ZNF385B: variants seen among roughly 807,000 people sequenced by gnomAD.
ZNF385B encodes zinc finger protein 385B.
A neutral mutation model predicts 39.2 loss-of-function variants in ZNF385B; 23 were observed. The ratio of observed to expected loss-of-function variants is 0.59; its 90% CI spans 0.42 to 0.83. The LOEUF is 0.83. Among genes scored for constraint, ZNF385B ranks in the 40% least tolerant of loss-of-function variants. The probability of loss-of-function intolerance (pLI) is 0.00; values close to 1 mark genes in which losing one functional copy is unlikely to be tolerated. For missense variants in ZNF385B, 552 were observed against 598.9 expected (o/e 0.92, Z 0.82); for synonymous variants, 205 against 222.6 (o/e 0.92, Z 0.70).
At chr2:179,621,762 C>A (rs1690237382) in intron 3 of ZNF385B, among the ~76,000 whole-genome samples, 2 of 152,154 alleles carry the variant, frequency 1.3e-5, no homozygotes, top group African/African-American at 4.8e-5. Flanking sequence ...CAGTGAATCA[C>A]CTCCGTGTCA....
chr2:179,450,268 C>A (rs1227119159), intron 6 of ZNF385B, among the ~76,000 whole-genome samples: 38 of 150,414 alleles, frequency 2.5e-4, no homozygotes, highest in East Asian at 7.8e-4. Context: ...TAATTAAACT[C>A]AAGAGCTTCT....
Position 179,446,750 on chromosome 2 carries a change from C to G in ZNF385B, c.736G>C (p.Ala246Pro). 1.2e-6 allele frequency: 2 copies of G among 1,612,192 alleles called. No individual in the cohort carries two copies. The highest frequency in any genetic ancestry group is 1.1e-5 in the South Asian group (1 of 90,626). The change falls in exon 7 of 10, where the codon GCC becomes CCC. Residue 246 changes from alanine to proline, a missense_variant. By Grantham distance (27) the Ala-to-Pro change is conservative (BLOSUM62 -1). Coordinates refer to ENST00000410066, the MANE Select transcript of ZNF385B (RefSeq NM_152520.6). ...DKSEDKGKLK[A>P]SSSSQPSSSE... Reference sequence around the variant, plus strand: ...CTTGATGGCTGACTGGAACTGCTGGCTTTTAACTTCCCTTTATCTTCTAAG... The same window carrying G: ...CTTGATGGCTGACTGGAACTGCTGGGTTTTAACTTCCCTTTATCTTCTAAG...
chr2:179,522,009 T>G (rs1208430275), intron 4 of ZNF385B, among the ~76,000 whole-genome samples: 1 of 152,204 alleles, frequency 6.6e-6, no homozygotes, highest in East Asian at 1.9e-4. Context: ...ATTTTTATAT[T>G]TAAATGTCAT....
At chr2:179,778,757 T>C (rs575129623) in intron 1 of ZNF385B, among the ~76,000 whole-genome samples, 43 of 152,296 alleles carry the variant, frequency 2.8e-4, no homozygotes, top group Non-Finnish European at 5.9e-4. Context: ...TTTATCATTC[T>C]AGAAATTTTG....
chr2:179,596,518 G>C (rs1202842791), intron 3 of ZNF385B, among the ~76,000 whole-genome samples: 1 of 152,086 alleles, frequency 6.6e-6, no homozygotes, highest in Non-Finnish European at 1.5e-5. Flanking sequence ...AAATCTTTTT[G>C]AGACTTCCTC....
intron 3 of ZNF385B, among the ~76,000 whole-genome samples, chr2:179,560,103 TA>T (rs914650625): frequency 6.6e-6 from 1 of 152,194 alleles, no homozygotes; most frequent in Non-Finnish European, 1.5e-5. Context: ...ATCTTCTTTT[TA>T]AAATCTGAAT....
At chr2:179,659,720 T>C (rs948671072) in intron 3 of ZNF385B, among the ~76,000 whole-genome samples, 1 of 152,172 alleles carries the variant, frequency 6.6e-6, no homozygotes. Flanking sequence ...TAACAACATA[T>C]AGACGTCCAA....
chr2:179,558,769 A>C (rs2061126548), intron 3 of ZNF385B, among the ~76,000 whole-genome samples: 1 of 152,182 alleles, frequency 6.6e-6, no homozygotes, highest in Non-Finnish European at 1.5e-5. Flanking sequence ...CCATCATAGA[A>C]AAGGCCACTC....
At chr2:179,491,426 C>T (rs1208191884) in intron 5 of ZNF385B, among the ~76,000 whole-genome samples, 1 of 152,106 alleles carries the variant, frequency 6.6e-6, no homozygotes, top group Admixed American at 6.6e-5. Flanking sequence ...GCAAAGCATG[C>T]CTTTAGCCAC....
chr2:179,695,035 T>C (rs1388114006), intron 3 of ZNF385B, among the ~76,000 whole-genome samples: 1 of 152,148 alleles, frequency 6.6e-6, no homozygotes, highest in Non-Finnish European at 1.5e-5. Context: ...GTTTCTCTTC[T>C]TACCCTCTGA....
At chr2:179,645,799 C>T (rs1692670224) in intron 3 of ZNF385B, among the ~76,000 whole-genome samples, 1 of 152,160 alleles carries the variant, frequency 6.6e-6, no homozygotes, top group Admixed American at 6.5e-5. Context: ...CAGTTGAGAC[C>T]TCTAGAATCC....
At chr2:179,621,901 T>C (rs948217623) in intron 3 of ZNF385B, among the ~76,000 whole-genome samples, 1 of 152,198 alleles carries the variant, frequency 6.6e-6, no homozygotes, top group Non-Finnish European at 1.5e-5. Flanking sequence ...TGTTAAATAT[T>C]ACCTTCAATT....
At chr2:179,601,834 T>C (rs1263312251) in intron 3 of ZNF385B, among the ~76,000 whole-genome samples, 2 of 152,186 alleles carry the variant, frequency 1.3e-5, no homozygotes, top group Non-Finnish European at 2.9e-5. Context: ...GTTTCAGCTT[T>C]TAAACACCTT....
intron 1 of ZNF385B, among the ~76,000 whole-genome samples, chr2:179,794,448 G>C (rs570557760): frequency 6.6e-6 from 1 of 151,944 alleles, no homozygotes; most frequent in Non-Finnish European, 1.5e-5. Flanking sequence ...ATTTACCATG[G>C]AAAGGTTCAA....
chr2:179,835,371 C>A (rs1708192425), intron 1 of ZNF385B, among the ~76,000 whole-genome samples: 1 of 152,106 alleles, frequency 6.6e-6, no homozygotes, highest in Non-Finnish European at 1.5e-5. Flanking sequence ...AAGGTGGAAA[C>A]CCTTGAGGTA....
At chr2:179,569,608 C>G (rs533303205) in intron 3 of ZNF385B, among the ~76,000 whole-genome samples, 1 of 152,156 alleles carries the variant, frequency 6.6e-6, no homozygotes, top group African/African-American at 2.4e-5. Context: ...TGAGCATATT[C>G]CCAAATCACC....
intron 3 of ZNF385B, among the ~76,000 whole-genome samples, chr2:179,734,085 A>T (rs1350012143): frequency 1.3e-5 from 2 of 152,198 alleles, no homozygotes; most frequent in Non-Finnish European, 2.9e-5. Context: ...TCTTACAGAC[A>T]TATCTTATTA....
chr2:179,657,404 C>G (rs1287389948), intron 3 of ZNF385B, among the ~76,000 whole-genome samples: 1 of 152,190 alleles, frequency 6.6e-6, no homozygotes, highest in Non-Finnish European at 1.5e-5. Flanking sequence ...AGAAACTGCT[C>G]AAAACCGTGG....
intron 3 of ZNF385B, among the ~76,000 whole-genome samples, chr2:179,715,004 T>C (rs534701567): frequency 6.6e-6 from 1 of 150,912 alleles, no homozygotes; most frequent in African/African-American, 2.4e-5. Flanking sequence ...GGCAGTTTTG[T>C]CTCCCATATC....
Sources: gnomAD v4.1 joint callset for allele counts (sites outside exome capture counted in the v4.1 genomes callset) on GRCh38, gnomAD v4.1.1 for gene constraint, MANE v1.5 for transcripts, NCBI Gene and HGNC (gene_info 2026-07-23, HGNC 2026-07-21) for gene names.